The following STX2 variants were observed in gnomAD, a reference collection of about 807,000 sequenced individuals.
STX2 encodes the protein syntaxin-2.
STX2 carries 27 observed loss-of-function variants against 40.6 expected under a neutral mutation model. That is an observed-to-expected ratio of 0.66 (90% CI 0.49 to 0.92). STX2 has a LOEUF of 0.92. STX2 is among the 40% of genes least tolerant of loss of function. STX2 has a pLI of 0.00. For synonymous variants in STX2, 123 were observed against 119.1 expected (o/e 1.03, Z -0.22); for missense variants, 328 against 366.1 (o/e 0.90, Z 0.85).
intron 3 of STX2, among the ~76,000 whole-genome samples, chr12:130,818,185 A>AAAATAT: frequency 1.3e-4 from 9 of 70,542 alleles, no homozygotes; most frequent in East Asian, 8.1e-4. Context: ...AAAAAAAAAA[A>AAAATAT]ATATATATAT....
intron 6 of STX2, among the ~76,000 whole-genome samples, chr12:130,803,374 A>C (rs1246270481): frequency 6.6e-6 from 1 of 152,204 alleles, no homozygotes; most frequent in Non-Finnish European, 1.5e-5. Flanking sequence ...TATTCAAAAT[A>C]GCTCAATAAG....
intron 2 of STX2, among the ~76,000 whole-genome samples, chr12:130,826,682 C>A (rs995383625): frequency 6.6e-6 from 1 of 152,068 alleles, no homozygotes; most frequent in Non-Finnish European, 1.5e-5. Flanking sequence ...ATGATAAATG[C>A]ACAATCATAT....
At chr12:130,818,142 G>A (rs1004196106) in intron 3 of STX2, among the ~76,000 whole-genome samples, 2 of 133,018 alleles carry the variant, frequency 1.5e-5, no homozygotes, top group Non-Finnish European at 3.1e-5. Flanking sequence ...ACAGGAGAGG[G>A]GTAACACAGT....
intron 10 of STX2, among the ~76,000 whole-genome samples, chr12:130,793,522 G>A (rs1026568499): frequency 2.6e-5 from 4 of 152,212 alleles, no homozygotes; most frequent in Non-Finnish European, 5.9e-5. Context: ...CGATGTGTGT[G>A]CACTTTCCTG....
intron 2 of STX2, 106 bp from the exon 3 acceptor site, chr12:130,821,894 T>C: frequency 1.5e-6 from 1 of 657,058 alleles, no homozygotes; most frequent in Non-Finnish European, 2.6e-6. Context: ...AATTACCACA[T>C]AAGAAATAAA....
At chr12:130,798,663 A>G in intron 8 of STX2, 28 bp from the exon 9 acceptor site, 1 of 1,550,020 alleles carries the variant, frequency 6.5e-7, no homozygotes, top group South Asian at 1.2e-5. Flanking sequence ...CAAACTTAGA[A>G]GACATTTTCA....
chr12:130,794,988 C>A (rs1950985433), intron 10 of STX2, among the ~76,000 whole-genome samples: 1 of 152,114 alleles, frequency 6.6e-6, no homozygotes, highest in South Asian at 2.1e-4. Context: ...CACTTCAGGG[C>A]CAGTGCAAGG....
intron 3 of STX2, among the ~76,000 whole-genome samples, chr12:130,819,832 G>A (rs1307132559): frequency 2.0e-5 from 3 of 151,882 alleles, no homozygotes; most frequent in Non-Finnish European, 2.9e-5. Flanking sequence ...GCTGGGCGAC[G>A]GCACGAAGAG....
intron 2 of STX2, among the ~76,000 whole-genome samples, chr12:130,822,431 A>AAAT (rs1197229908): frequency 6.6e-6 from 1 of 152,030 alleles, no homozygotes; most frequent in Non-Finnish European, 1.5e-5. Flanking sequence ...AAAAAGAAGA[A>AAAT]AATAATAATA....
intron 1 of STX2, among the ~76,000 whole-genome samples, chr12:130,832,947 G>A (rs1274181039): frequency 1.3e-5 from 2 of 152,094 alleles, no homozygotes; most frequent in Non-Finnish European, 2.9e-5. Context: ...TGACCCACCC[G>A]GCCAAGGCAG....
chr12:130,815,486 A>G (rs1192753105), intron 3 of STX2, among the ~76,000 whole-genome samples: 2 of 152,248 alleles, frequency 1.3e-5, no homozygotes, highest in Non-Finnish European at 2.9e-5. Flanking sequence ...TCACTCAGGC[A>G]GGAGAAAAGA....
chr12:130,825,892 G>A (rs1400061955), intron 2 of STX2, among the ~76,000 whole-genome samples: 3 of 152,126 alleles, frequency 2.0e-5, no homozygotes, highest in Non-Finnish European at 4.4e-5. Flanking sequence ...TGTTTTACAA[G>A]GTCAATATAT....
rs371600186 is a variant in STX2 at position 130,807,969 on chromosome 12, C to A, written c.354+662G>T. 2.6e-5 allele frequency among the ~76,000 whole-genome samples: 4 copies of A among 152,240 alleles called. No homozygotes were observed. In the East Asian group the frequency reaches 7.7e-4, roughly 29 times the overall value. On this transcript the variant is annotated intron_variant, in intron 5 of 10. Transcript: ENST00000392373. ...CTCACAAGGAAATTCCTCGTAGGTC[C>A]CAGAATCTTTCAGAATCCATATCCC... is the stretch of plus-strand genomic sequence containing the variant.
In STX2 at chr12:130,837,466, T is replaced by C. The variant is rs547450479; in HGVS notation, c.30+1604A>G. ...GCGCCATGACATCCGGCTATTTTAG[T>C]AGAAACGGGGTTTTGCCATGTTGGC... On this transcript the variant is annotated intron_variant, in intron 1 of 10. Coordinates refer to ENST00000392373, the MANE Select transcript of STX2 (RefSeq NM_194356.4). 5.3e-5 allele frequency among the ~76,000 whole-genome samples: 8 copies of C among 152,308 alleles called. No homozygotes were observed. The South Asian group carries it at 1.0e-3, about 20-fold the overall frequency.
At chr12:130,813,466 C>G (rs993697019) in intron 3 of STX2, among the ~76,000 whole-genome samples, 3 of 152,224 alleles carry the variant, frequency 2.0e-5, no homozygotes, top group Admixed American at 1.3e-4. Context: ...GTGCTTTTCT[C>G]TTGTGCTGTC....
chr12:130,792,226 A>G (rs1312107643), intron 10 of STX2, among the ~76,000 whole-genome samples: 2 of 151,960 alleles, frequency 1.3e-5, no homozygotes, highest in Non-Finnish European at 2.9e-5. Flanking sequence ...ACGCCCAGCT[A>G]ATTTTTGTAT....
chr12:130,821,259 C>A (rs1171621344), intron 3 of STX2, among the ~76,000 whole-genome samples: 4 of 152,242 alleles, frequency 2.6e-5, no homozygotes, highest in Non-Finnish European at 5.9e-5. Context: ...ACAGTCCATA[C>A]AAAAGCTCCT....
chr12:130,799,983 G>C (rs2136241429), intron 8 of STX2, among the ~76,000 whole-genome samples: 1 of 152,196 alleles, frequency 6.6e-6, no homozygotes, highest in East Asian at 1.9e-4. Context: ...CAGAAAATAA[G>C]CCCATCAGAT....
rs141721258 is a variant in STX2, at chr12:130,802,108, G to A, written c.464-620C>T. On this transcript the variant is annotated intron_variant, in intron 6 of 10. Transcript: ENST00000392373. The stretch of plus-strand genomic sequence containing the variant: ...GCCAAAAAGTGGAAACAACGCAAAC[G>A]TCCGTCCCCCGATGCCTGAAGGAGC... Among the ~76,000 whole-genome samples, 112 of 152,292 alleles carry A rather than the reference G, an allele frequency of 7.4e-4. 1 individual carries two copies. Among genetic ancestry groups the A allele is most frequent in the African/African-American group, 2.6e-3 (108 of 41,562 alleles).
Sources: gnomAD v4.1 joint callset for allele counts (sites outside exome capture counted in the v4.1 genomes callset) on GRCh38, gnomAD v4.1.1 for gene constraint, MANE v1.5 for transcripts, NCBI Gene and HGNC (gene_info 2026-07-23, HGNC 2026-07-21) for gene names.